Variants in PTPRN2 observed in about 807,000 individuals in gnomAD.
PTPRN2 encodes the protein receptor-type tyrosine-protein phosphatase N2.
In PTPRN2, 74 loss-of-function variants were observed where a neutral mutation model predicts 118.8. The ratio of observed to expected loss-of-function variants is 0.62; its 90% CI spans 0.52 to 0.76. The LOEUF is 0.76. Among genes scored for constraint, PTPRN2 ranks in the 30% least tolerant of loss-of-function variants. The pLI is 0.00. For missense variants in PTPRN2, 1,481 were observed against 1,394.4 expected, an observed-to-expected ratio of 1.06 and a Z score of -0.99; for synonymous variants, 641 against 608.0, an observed-to-expected ratio of 1.05 and a Z score of -0.80.
intron 21 of PTPRN2, among the ~76,000 whole-genome samples, chr7:157,567,341 C>T (rs10229651): frequency 0.018 from 2,783 of 152,314 alleles, 78 homozygotes; most frequent in African/African-American, 0.064. Context: ...TTTAAAATGA[C>T]ATTTGGTGGC....
intron 13 of PTPRN2, among the ~76,000 whole-genome samples, chr7:157,666,501 T>C (rs1470573542): frequency 8.6e-6 from 1 of 116,170 alleles, no homozygotes; most frequent in African/African-American, 2.9e-5. Context: ...ATTAGTGTGT[T>C]AGAAAAAAAA....
chr7:157,935,199 G>T (rs887766106), intron 11 of PTPRN2, among the ~76,000 whole-genome samples: 1 of 152,152 alleles, frequency 6.6e-6, no homozygotes, highest in Non-Finnish European at 1.5e-5. Context: ...GGGTGGGTAG[G>T]GTTGCTGGTT....
At chr7:158,110,108 C>T (rs1440890764) in intron 10 of PTPRN2, among the ~76,000 whole-genome samples, 5 of 152,314 alleles carry the variant, frequency 3.3e-5, no homozygotes, top group East Asian at 1.9e-4. Flanking sequence ...GCACACAGCC[C>T]GGGCCGGCCT....
At chr7:157,541,162 C>G (rs912122209) in intron 22 of PTPRN2, among the ~76,000 whole-genome samples, 1 of 152,234 alleles carries the variant, frequency 6.6e-6, no homozygotes, top group African/African-American at 2.4e-5. Flanking sequence ...AGCCACCCGC[C>G]TTGGTGGACG....
At chr7:157,788,432 G>C (rs1804218315) in intron 12 of PTPRN2, among the ~76,000 whole-genome samples, 1 of 151,536 alleles carries the variant, frequency 6.6e-6, no homozygotes, top group Non-Finnish European at 1.5e-5. Flanking sequence ...GCAAGACACT[G>C]CTGTCTGGAG....
intron 2 of PTPRN2, among the ~76,000 whole-genome samples, chr7:158,437,733 C>T (rs1346805721): frequency 6.6e-6 from 1 of 152,222 alleles, no homozygotes; most frequent in African/African-American, 2.4e-5. Context: ...CATTATGAGA[C>T]TGCCAGAAAT....
intron 21 of PTPRN2, among the ~76,000 whole-genome samples, chr7:157,564,947 C>A (rs755256464): frequency 3.9e-5 from 6 of 152,242 alleles, no homozygotes; most frequent in Non-Finnish European, 2.9e-5. Context: ...TGCGGTCCAT[C>A]CATGCCATGG....
At chr7:157,660,623 A>C (rs760895875) in intron 13 of PTPRN2, among the ~76,000 whole-genome samples, 1 of 152,222 alleles carries the variant, frequency 6.6e-6, no homozygotes, top group African/African-American at 2.4e-5. Context: ...AGGCAGCTAC[A>C]GAGAAAGCCT....
At chr7:158,095,715 G>A (rs548913451) in intron 10 of PTPRN2, among the ~76,000 whole-genome samples, 1 of 152,324 alleles carries the variant, frequency 6.6e-6, no homozygotes, top group African/African-American at 2.4e-5. Context: ...CTGAGGCCCT[G>A]CCTTCAAGGA....
At chr7:157,679,245 A>G (rs1339103792) in intron 13 of PTPRN2, among the ~76,000 whole-genome samples, 1 of 152,244 alleles carries the variant, frequency 6.6e-6, no homozygotes, top group African/African-American at 2.4e-5. Flanking sequence ...AGAAGAAAAA[A>G]CAACATTTAC....
chr7:158,522,644 C>T (rs1824291893), intron 1 of PTPRN2, among the ~76,000 whole-genome samples: 1 of 152,220 alleles, frequency 6.6e-6, no homozygotes, highest in South Asian at 2.1e-4. Flanking sequence ...CGGCTAGATG[C>T]AGTCTGTGGA....
At chr7:157,710,466 G>A (rs1225130459) in intron 12 of PTPRN2, among the ~76,000 whole-genome samples, 3 of 151,900 alleles carry the variant, frequency 2.0e-5, no homozygotes, top group Non-Finnish European at 4.4e-5. Context: ...AATCACCCAA[G>A]CTGCCTAACC....
chr7:158,117,539 T>C (rs575774654), intron 9 of PTPRN2, among the ~76,000 whole-genome samples: 1 of 152,258 alleles, frequency 6.6e-6, no homozygotes, highest in African/African-American at 2.4e-5. Flanking sequence ...CTTCCCAAGT[T>C]TGATGAAAGA....
At chr7:158,409,827 T>C (rs992091279) in intron 2 of PTPRN2, among the ~76,000 whole-genome samples, 6 of 152,194 alleles carry the variant, frequency 3.9e-5, no homozygotes, top group African/African-American at 1.2e-4. Context: ...GTTTTAAGAA[T>C]TGACATAAAG....
At chr7:157,802,829 C>A (rs1300659221) in intron 12 of PTPRN2, among the ~76,000 whole-genome samples, 1 of 152,216 alleles carries the variant, frequency 6.6e-6, no homozygotes, top group African/African-American at 2.4e-5. Flanking sequence ...TGTTGAGCAT[C>A]TTTCCATGTA....
At chr7:157,574,238 G>A (rs150859028) in intron 19 of PTPRN2, 29 of 369,014 alleles carry the variant, frequency 7.9e-5, no homozygotes, top group African/African-American at 2.3e-4. Context: ...AGGGGTCACC[G>A]GGCGAGAGCG....
intron 2 of PTPRN2, among the ~76,000 whole-genome samples, chr7:158,341,989 TA>T (rs1448326017): frequency 2.0e-4 from 29 of 143,964 alleles, no homozygotes; most frequent in East Asian, 4.4e-4. Context: ...ACTCTCACCA[TA>T]AGAGGTGACA....
chr7:158,156,174 A>C (rs1249381685), intron 6 of PTPRN2, among the ~76,000 whole-genome samples: 1 of 152,180 alleles, frequency 6.6e-6, no homozygotes, highest in Non-Finnish European at 1.5e-5. Flanking sequence ...GTCATGCCGC[A>C]ATATTTTGCA....
At chr7:157,806,333 G>A (rs1030480242) in intron 12 of PTPRN2, among the ~76,000 whole-genome samples, 11 of 152,094 alleles carry the variant, frequency 7.2e-5, no homozygotes, top group African/African-American at 2.7e-4. Flanking sequence ...TCAACCTGTA[G>A]GTGCATGTAT....
Sources: gnomAD v4.1 joint callset for allele counts (sites outside exome capture counted in the v4.1 genomes callset) on GRCh38, gnomAD v4.1.1 for gene constraint, MANE v1.5 for transcripts, NCBI Gene and HGNC (gene_info 2026-07-23, HGNC 2026-07-21) for gene names.